Variants in ZNF525 observed in about 807,000 individuals in gnomAD.
ZNF525 encodes zinc finger protein 525.
A neutral mutation model predicts 37.6 loss-of-function variants in ZNF525; 33 were observed. That is an observed-to-expected ratio of 0.88 (90% CI 0.67 to 1.17). The LOEUF is 1.17. Ranked by LOEUF, ZNF525 falls within the 50% of genes most tolerant of loss-of-function variation. The pLI is 0.00. For missense variants in ZNF525, 449 were observed against 543.1 expected (o/e 0.83, Z 1.72); for synonymous variants, 170 against 182.3 (o/e 0.93, Z 0.54).
At chr19:53,372,560 T>C (rs1290753981) in intron 2 of ZNF525, among the ~76,000 whole-genome samples, 1 of 152,068 alleles carries the variant, frequency 6.6e-6, no homozygotes, top group Non-Finnish European at 1.5e-5. Flanking sequence ...GGTCCCGTGG[T>C]GTCAGTGCTG....
Position 53,382,202 on chromosome 19 carries a change from T to C in ZNF525, c.*183T>C. ...GTTTCAAATCAAACCTTGAAAGACA[T>C]AGGAGAATTCACACTGGTGAGAAAC... On this transcript the variant is annotated 3_prime_UTR_variant, in exon 4 of 4. Coordinates refer to ENST00000474037, the MANE Select transcript of ZNF525 (RefSeq NM_001348156.2). The C allele has an allele frequency of 4.4e-6, 7 of 1,589,964 alleles. No individual in the cohort carries two copies. The highest frequency in any genetic ancestry group is 2.2e-5 in the South Asian group (2 of 90,564).
chr19:53,373,268 T>C (rs2085500388), intron 2 of ZNF525, among the ~76,000 whole-genome samples: 1 of 152,032 alleles, frequency 6.6e-6, no homozygotes, highest in South Asian at 2.1e-4. Context: ...AATTTTGTTG[T>C]ATTTTTATTA....
intron 1 of ZNF525, among the ~76,000 whole-genome samples, chr19:53,368,100 T>C (rs2085460862): frequency 6.6e-6 from 1 of 152,196 alleles, no homozygotes; most frequent in South Asian, 2.1e-4. Context: ...TTCTCCTTGT[T>C]GCAATGGGAG....
At position 53,382,399 on chromosome 19, in the gene ZNF525, A is replaced by G; in HGVS notation, c.*380A>G. 1 of 1,020,610 alleles carries G rather than the reference A, an allele frequency of 9.8e-7. No homozygotes were observed. The highest frequency in any genetic ancestry group is 1.5e-6 in the Non-Finnish European group (1 of 646,858). 63.2% of individuals were successfully genotyped at this position (1,020,610 alleles called of 1,614,324 possible). A position where few individuals can be genotyped will look rare whatever the true frequency, so the allele number is the denominator to read the frequency against. ...AGAATTCATAATGGAGAGAAACCGTACAAGTGTAATGAGTGTGGCAAGACC... is the reference window on the plus strand; with the variant it reads ...AGAATTCATAATGGAGAGAAACCGTGCAAGTGTAATGAGTGTGGCAAGACC... On this transcript the variant is annotated 3_prime_UTR_variant, in exon 4 of 4. Coordinates refer to ENST00000474037, the MANE Select transcript of ZNF525 (RefSeq NM_001348156.2).
In ZNF525 at chr19:53,381,300, A is replaced by T; in HGVS notation, c.721A>T (p.Lys241Ter). The T allele has an allele frequency of 6.8e-7, 1 of 1,474,836 alleles. No homozygotes were observed. The highest frequency in any genetic ancestry group is 9.5e-7 in the Non-Finnish European group (1 of 1,053,070). 91.4% of individuals were successfully genotyped at this position (1,474,836 alleles called of 1,614,324 possible). Residue 241 changes from lysine (K) to a stop codon, truncating the protein, a stop_gained, in exon 4 of 4, where the codon AAA (lysine) becomes TAA (stop). Coordinates refer to ENST00000474037, the MANE Select transcript of ZNF525 (RefSeq NM_001348156.2). LOFTEE classifies it high-confidence loss of function. ...RKHQIIHLGE[K>*]QYKCDVCDKV... is the part of the protein sequence containing the mutation. ...ACATCAGATTATTCATCTAGGAGAG[A>T]AACAATATAAATGTGATGTATGTGA...
At chr19:53,375,403 G>A (rs1207068279) in intron 2 of ZNF525, among the ~76,000 whole-genome samples, 6 of 152,080 alleles carry the variant, frequency 3.9e-5, no homozygotes, top group African/African-American at 1.4e-4. Flanking sequence ...TGGCCAGTAT[G>A]GTGAAACTCC....
chr19:53,379,197 A>C (rs8113479), intron 3 of ZNF525, among the ~76,000 whole-genome samples: 53,944 of 151,704 alleles, frequency 0.36, 10,230 homozygotes, highest in African/African-American at 0.49. Context: ...CTCACCACAA[A>C]CTCTACCTCC....
chr19:53,382,096 A>T lies in ZNF525; in HGVS notation c.*77A>T. 6.6e-7 allele frequency: 1 copy of T among 1,523,438 alleles called. No individual in the cohort carries two copies. Among genetic ancestry groups the T allele is most frequent in the Non-Finnish European group, 9.0e-7 (1 of 1,106,430 alleles). 94.4% of individuals were successfully genotyped at this position (1,523,438 alleles called of 1,614,324 possible). ...AATGATTGTGGCAAGATCTTCAGTC[A>T]TACGTCATCCATTGTATACCATCAT... On this transcript the variant is annotated 3_prime_UTR_variant, in exon 4 of 4. Coordinates refer to ENST00000474037, the MANE Select transcript of ZNF525 (RefSeq NM_001348156.2).
chr19:53,378,497 A>G (rs1215149061), intron 3 of ZNF525, among the ~76,000 whole-genome samples: 2 of 152,200 alleles, frequency 1.3e-5, no homozygotes, highest in African/African-American at 4.8e-5. Flanking sequence ...GTGCCACTAC[A>G]CTCCAGCCTG....
chr19:53,382,425 T>G lies in ZNF525; in HGVS notation c.*406T>G. On this transcript the variant is annotated 3_prime_UTR_variant, in exon 4 of 4. Transcript: ENST00000474037. ...CAAGTGTAATGAGTGTGGCAAGACC[T>G]TCAGTCAGAAGTCATGCCTTACACG... 2.3e-6 allele frequency: 2 copies of G among 877,852 alleles called. No individual in the cohort carries two copies. Among genetic ancestry groups the G allele is most frequent in the Non-Finnish European group, 3.8e-6 (2 of 520,550 alleles). The allele number at this position is 877,852 out of a possible 1,614,324, so 54.4% of individuals were successfully genotyped here.
At chr19:53,368,293 G>C (rs1046089984) in intron 1 of ZNF525, among the ~76,000 whole-genome samples, 6 of 152,164 alleles carry the variant, frequency 3.9e-5, no homozygotes, top group Admixed American at 2.6e-4. Flanking sequence ...GAGTTTGGAT[G>C]AGGTGATCTG....
chr19:53,378,872 C>T (rs1411316472), intron 3 of ZNF525, among the ~76,000 whole-genome samples: 1 of 152,252 alleles, frequency 6.6e-6, no homozygotes, highest in African/African-American at 2.4e-5. Flanking sequence ...CCAATACAAA[C>T]ATTCAGACCA....
At chr19:53,376,170 T>G in intron 3 of ZNF525, 2 of 799,764 alleles carry the variant, frequency 2.5e-6, no homozygotes, top group Non-Finnish European at 4.2e-6. Context: ...TTGGTCTTGA[T>G]CTCCTGGGCT....
rs1297780117 is a variant in ZNF525 at position 53,383,783 on chromosome 19, G to A, written c.*1764G>A. 1.9e-6 allele frequency: 1 copy of A among 524,910 alleles called. No individual in the cohort carries two copies. Among genetic ancestry groups the A allele is most frequent in the South Asian group, 1.7e-5 (1 of 57,400 alleles). 32.5% of individuals were successfully genotyped at this position (524,910 alleles called of 1,614,324 possible). Reference sequence around the variant, plus strand: ...TTTCAGACATCGTTCATACATTGCCGTTCATTGGCGAACTCATGCTGGAGA... The same window carrying A: ...TTTCAGACATCGTTCATACATTGCCATTCATTGGCGAACTCATGCTGGAGA... On this transcript the variant is annotated 3_prime_UTR_variant, in exon 4 of 4. Transcript: ENST00000474037.
chr19:53,366,155 T>C (rs2902968), intron 1 of ZNF525, among the ~76,000 whole-genome samples: 57,270 of 142,644 alleles, frequency 0.4, 14,818 homozygotes, highest in Non-Finnish European at 0.56. Context: ...GAGGCCGAGT[T>C]CTCTGCCTGT....
rs574596015 is a variant in ZNF525, at chr19:53,382,786, C to T, written c.*767C>T. ...GACATCGTTCATACCTTGCAGTTCA[C>T]GGGCGAACTCATGCTGGAGAGAAAC... is the stretch of plus-strand genomic sequence containing the variant. On this transcript the variant is annotated 3_prime_UTR_variant, in exon 4 of 4. Coordinates refer to ENST00000474037, the MANE Select transcript of ZNF525 (RefSeq NM_001348156.2). 7.2e-5 allele frequency: 77 copies of T among 1,072,086 alleles called. No individual in the cohort carries two copies. The highest frequency in any genetic ancestry group is 4.5e-4 in the Admixed American group (23 of 51,034). 66.4% of individuals were successfully genotyped at this position (1,072,086 alleles called of 1,614,324 possible).
intron 1 of ZNF525, among the ~76,000 whole-genome samples, chr19:53,369,951 C>T (rs1210509576): frequency 6.8e-6 from 1 of 147,542 alleles, no homozygotes; most frequent in Non-Finnish European, 1.5e-5. Context: ...GTCTCGATCT[C>T]CTGACCTCGT....
chr19:53,384,923 A>T lies in ZNF525; in HGVS notation c.*2904A>T, dbSNP rs1006401047. 3 of 699,348 alleles carry T rather than the reference A, an allele frequency of 4.3e-6. No individual in the cohort carries two copies. Among genetic ancestry groups the T allele is most frequent in the Non-Finnish European group, 7.8e-6 (3 of 383,974 alleles). The allele number at this position is 699,348 out of a possible 1,614,324, so 43.3% of individuals were successfully genotyped here. A position where few individuals can be genotyped will look rare whatever the true frequency, so the allele number is the denominator to read the frequency against. On this transcript the variant is annotated 3_prime_UTR_variant, in exon 4 of 4. Coordinates refer to ENST00000474037, the MANE Select transcript of ZNF525 (RefSeq NM_001348156.2). ...TATTTACTCATTTGTCATTTCATGG[A>T]TGTTCTTTCTATTGTTGAGGTAAAT...
At chr19:53,373,138 G>A (rs1469826245) in intron 2 of ZNF525, among the ~76,000 whole-genome samples, 1 of 151,906 alleles carries the variant, frequency 6.6e-6, no homozygotes, top group African/African-American at 2.4e-5. Flanking sequence ...TGTCACCCAG[G>A]CTGAAGTGCA....
Sources: gnomAD v4.1 joint callset for allele counts (sites outside exome capture counted in the v4.1 genomes callset) on GRCh38, gnomAD v4.1.1 for gene constraint, MANE v1.5 for transcripts, NCBI Gene and HGNC (gene_info 2026-07-23, HGNC 2026-07-21) for gene names.